The following MALRD1 variants were observed in gnomAD, a reference collection of about 807,000 sequenced individuals.
MALRD1 encodes MAM and LDL receptor class A domain containing 1, also known as MAM and LDL-receptor class A domain-containing protein 1.
MALRD1 carries 247 observed loss-of-function variants against 242.1 expected under a neutral mutation model. That is an observed-to-expected ratio of 1.02 (90% CI 0.92 to 1.13). The LOEUF (loss-of-function observed/expected upper bound fraction) is 1.13, where lower values mean the gene tolerates loss of function less well. Ranked by LOEUF, MALRD1 falls within the 50% of genes most tolerant of loss-of-function variation. MALRD1 has a pLI of 0.00. For synonymous variants in MALRD1, 995 were observed against 866.6 expected, an observed-to-expected ratio of 1.15 and a Z score of -2.60; for missense variants, 2,989 against 2,533.1, an observed-to-expected ratio of 1.18 and a Z score of -3.86.
At position 19,498,632 on chromosome 10, in the gene MALRD1, C is replaced by T; in HGVS notation, c.5306C>T (p.Ser1769Phe). 2 of 1,549,924 alleles carry T rather than the reference C, an allele frequency of 1.3e-6. No homozygotes were observed. The highest frequency in any genetic ancestry group is 1.7e-6 in the Non-Finnish European group (2 of 1,146,560). The change falls in exon 31 of 40, where the codon TCT becomes TTT. Residue 1769 changes from serine to phenylalanine, a missense_variant. Coordinates refer to ENST00000454679, the MANE Select transcript of MALRD1 (RefSeq NM_001142308.3). ...RIPAKALIPD[S>F]DHTPGSGQHF... ...CCTGCCAAAGCATTAATTCCAGACT[C>T]TGATCACACGCCAGGTAAATCTAGT...
intron 21 of MALRD1, among the ~76,000 whole-genome samples, chr10:19,322,099 A>G (rs187062749): frequency 1.3e-5 from 2 of 152,126 alleles, no homozygotes; most frequent in African/African-American, 4.8e-5. Context: ...TTTTCAATGA[A>G]GTATAAAATT....
chr10:19,615,516 C>CAAAAAAAAAAAAAAAAAAAAAAA (rs530920512), intron 35 of MALRD1, among the ~76,000 whole-genome samples: 6 of 37,220 alleles, frequency 1.6e-4, no homozygotes, highest in African/African-American at 8.5e-4. Context: ...GACCCTGCCT[C>CAAAAAAAAAAAAAAAAAAAAAAA]AAAAAAAAAA....
intron 32 of MALRD1, among the ~76,000 whole-genome samples, chr10:19,561,221 T>C (rs2131439297): frequency 6.6e-6 from 1 of 152,320 alleles, no homozygotes; most frequent in Non-Finnish European, 1.5e-5. Flanking sequence ...TTAAATTTGC[T>C]ACAGTTTGTT....
intron 14 of MALRD1, among the ~76,000 whole-genome samples, chr10:19,186,359 A>G (rs1272949645): frequency 6.6e-6 from 1 of 152,202 alleles, no homozygotes; most frequent in Non-Finnish European, 1.5e-5. Context: ...CAAGAAGTGG[A>G]GAAAACGTCC....
chr10:19,281,918 G>A (rs1026421972), intron 20 of MALRD1, among the ~76,000 whole-genome samples: 2 of 146,670 alleles, frequency 1.4e-5, no homozygotes, highest in African/African-American at 5.0e-5. Context: ...AGCCGAGATC[G>A]TGCCAATGCA....
intron 5 of MALRD1, among the ~76,000 whole-genome samples, chr10:19,114,309 G>A (rs528535353): frequency 2.0e-5 from 3 of 152,268 alleles, no homozygotes; most frequent in African/African-American, 7.2e-5. Flanking sequence ...ATTTAGAAAT[G>A]AGTGGACTTA....
At chr10:19,370,583 G>T (rs1001347421) in intron 26 of MALRD1, among the ~76,000 whole-genome samples, 1 of 151,652 alleles carries the variant, frequency 6.6e-6, no homozygotes, top group African/African-American at 2.4e-5. Context: ...GTTTTGTTTT[G>T]TTTTGTTTTT....
chr10:19,109,606 C>G (rs185088299), intron 5 of MALRD1, among the ~76,000 whole-genome samples: 1 of 152,310 alleles, frequency 6.6e-6, no homozygotes, highest in East Asian at 1.9e-4. Context: ...AATTTATTCA[C>G]AGAAGTAGAT....
chr10:19,564,608 A>G (rs1257585041), intron 32 of MALRD1, among the ~76,000 whole-genome samples: 1 of 152,152 alleles, frequency 6.6e-6, no homozygotes, highest in East Asian at 1.9e-4. Context: ...TAAAATAGAA[A>G]TAGGCAAATT....
At chr10:19,604,257 C>A (rs948932606) in intron 34 of MALRD1, among the ~76,000 whole-genome samples, 1 of 152,130 alleles carries the variant, frequency 6.6e-6, no homozygotes, top group Non-Finnish European at 1.5e-5. Flanking sequence ...TGACATATGT[C>A]TGCTGAACCC....
chr10:19,571,031 A>G (rs1350973339), intron 33 of MALRD1, among the ~76,000 whole-genome samples: 4 of 152,228 alleles, frequency 2.6e-5, no homozygotes, highest in African/African-American at 9.6e-5. Flanking sequence ...GAACTATTGC[A>G]TAGATGGATT....
At chr10:19,179,601 G>A (rs1033286390) in intron 14 of MALRD1, among the ~76,000 whole-genome samples, 1 of 151,910 alleles carries the variant, frequency 6.6e-6, no homozygotes, top group Non-Finnish European at 1.5e-5. Flanking sequence ...CTGGGTGACA[G>A]AGAGAGACCC....
At chr10:19,126,825 G>A (rs1228688572) in intron 7 of MALRD1, among the ~76,000 whole-genome samples, 2 of 151,944 alleles carry the variant, frequency 1.3e-5, no homozygotes, top group Non-Finnish European at 2.9e-5. Flanking sequence ...GTAAACATGT[G>A]CTGTGGTGGT....
At chr10:19,231,400 G>A (rs1269878894) in intron 18 of MALRD1, among the ~76,000 whole-genome samples, 1 of 152,164 alleles carries the variant, frequency 6.6e-6, no homozygotes. Flanking sequence ...GCCTCAGACA[G>A]GTTTTCATTA....
At chr10:19,701,800 C>A (rs1833644959) in intron 38 of MALRD1, among the ~76,000 whole-genome samples, 1 of 141,572 alleles carries the variant, frequency 7.1e-6, no homozygotes, top group Non-Finnish European at 1.5e-5. Flanking sequence ...CCTCCTTCTT[C>A]TTTTCTCTTT....
chr10:19,268,693 T>C lies in MALRD1; in HGVS notation c.3079+10922T>C, dbSNP rs145468638. On this transcript the variant is annotated intron_variant, in intron 19 of 39. Coordinates refer to ENST00000454679, the MANE Select transcript of MALRD1 (RefSeq NM_001142308.3). ...AAGTTGGTAATAATTTATCAAGGAC[T>C]AGAGATGTTAAAATGTTGGTTTTAT... Among the ~76,000 whole-genome samples, 259 of 152,332 alleles carry C rather than the reference T, an allele frequency of 1.7e-3. 1 individual carries two copies. Among genetic ancestry groups the C allele is most frequent in the African/African-American group, 6.1e-3 (252 of 41,582 alleles).
At chr10:19,366,144 CTGTAAT>C (rs1213017252) in intron 26 of MALRD1, among the ~76,000 whole-genome samples, 1 of 151,718 alleles carries the variant, frequency 6.6e-6, no homozygotes, top group Non-Finnish European at 1.5e-5. Flanking sequence ...TATTACTACA[CTGTAAT>C]ATGTAATGAA....
intron 36 of MALRD1, among the ~76,000 whole-genome samples, chr10:19,688,444 G>C (rs1003052649): frequency 2.0e-5 from 3 of 151,840 alleles, no homozygotes; most frequent in Admixed American, 6.6e-5. Flanking sequence ...TAGAATTTTT[G>C]TAAAGAAGGT....
chr10:19,235,398 G>T lies in MALRD1; in HGVS notation c.2992-22286G>T, dbSNP rs1185964282. On this transcript the variant is annotated intron_variant, in intron 18 of 39. Coordinates refer to ENST00000454679, the MANE Select transcript of MALRD1 (RefSeq NM_001142308.3). ...CTAAGCATTTTTTTTTCGTGTATTT[G>T]TTAGCCATTTGTATGTGTTCTCTTG... Among the ~76,000 whole-genome samples the T allele has an allele frequency of 2.0e-5, 3 of 151,164 alleles. No homozygotes were observed. The East Asian group carries it at 5.8e-4, about 29-fold the overall frequency.
Sources: allele counts gnomAD v4.1 joint callset (sites outside exome capture counted in the v4.1 genomes callset), GRCh38; gene constraint gnomAD v4.1.1; transcripts MANE v1.5; gene names NCBI Gene and HGNC (gene_info 2026-07-23, HGNC 2026-07-21).